Variants in AHCY observed in about 807,000 individuals in gnomAD.
AHCY encodes the protein S-adenosyl-L-homocysteine hydrolase.
Under a neutral mutation model 45.4 loss-of-function variants are expected in AHCY, and 24 were observed. The ratio of observed to expected loss-of-function variants is 0.53; its 90% CI spans 0.38 to 0.74. The LOEUF (loss-of-function observed/expected upper bound fraction) is 0.74. AHCY is among the 30% of genes least tolerant of loss of function. AHCY has a pLI of 0.00. For missense variants in AHCY, 449 were observed against 594.1 expected (o/e 0.76, Z 2.54); for synonymous variants, 245 against 235.1 (o/e 1.04, Z -0.39).
At chr20:34,269,408 C>G in the AHCY span, 1 of 503,890 alleles carries the variant, frequency 2.0e-6, no homozygotes, top group Non-Finnish European at 3.4e-6. Flanking sequence ...CACGGAGTCC[C>G]GCGCTGCTCT....
At chr20:34,235,306 G>A in the AHCY span, among the ~76,000 whole-genome samples, 3 of 152,156 alleles carry the variant, frequency 2.0e-5, no homozygotes, top group Admixed American at 2.0e-4. Context: ...CAGGCGAGGT[G>A]GCAGGCACCT....
chr20:34,257,094 T>G, the AHCY span, among the ~76,000 whole-genome samples: 2 of 151,836 alleles, frequency 1.3e-5, no homozygotes, highest in African/African-American at 4.8e-5. Context: ...TTTTTTGTTT[T>G]TTGTTTTTTG....
intron 8 of AHCY, among the ~76,000 whole-genome samples, chr20:34,289,809 G>A (rs984208707): frequency 2.0e-5 from 3 of 151,880 alleles, no homozygotes; most frequent in South Asian, 2.1e-4. Context: ...TAGTAGAGAC[G>A]GGGTTTCAAC....
intron 8 of AHCY, among the ~76,000 whole-genome samples, chr20:34,289,160 T>C (rs1382610999): frequency 1.3e-5 from 2 of 150,334 alleles, no homozygotes; most frequent in Non-Finnish European, 3.0e-5. Flanking sequence ...CCCACCACCA[T>C]GCCCAGCTGA....
chr20:34,252,764 G>T, the AHCY span, among the ~76,000 whole-genome samples: 3 of 152,140 alleles, frequency 2.0e-5, no homozygotes, highest in East Asian at 1.9e-4. Flanking sequence ...CTGTCTCAGT[G>T]GGGGGAAACC....
the AHCY span, chr20:34,262,691 C>A: frequency 1.2e-6 from 1 of 857,336 alleles, no homozygotes; most frequent in Non-Finnish European, 1.9e-6. Flanking sequence ...TGGCTTGAGT[C>A]CTACAGTGTG....
chr20:34,232,117 T>C, the AHCY span, among the ~76,000 whole-genome samples: 1 of 152,238 alleles, frequency 6.6e-6, no homozygotes, highest in East Asian at 1.9e-4. Context: ...GTAAATGTGT[T>C]ACATGACAAT....
intron 2 of AHCY, 151 bp from the exon 3 acceptor site, chr20:34,294,307 G>A: frequency 7.8e-6 from 6 of 773,538 alleles, no homozygotes; most frequent in Non-Finnish European, 1.4e-5. Flanking sequence ...GGGATGCTGG[G>A]TGGGCAGATG....
chr20:34,270,413 A>G, the AHCY span, among the ~76,000 whole-genome samples: 1 of 152,184 alleles, frequency 6.6e-6, no homozygotes, highest in Non-Finnish European at 1.5e-5. Context: ...TTGCAGTCCT[A>G]CAGGGCAAGA....
intron 1 of AHCY, among the ~76,000 whole-genome samples, chr20:34,299,898 C>T (rs1175598474): frequency 6.6e-6 from 1 of 152,140 alleles, no homozygotes; most frequent in Non-Finnish European, 1.5e-5. Context: ...ACTGTCACTT[C>T]TCAGGCTGGG....
rs1050611362 is a variant in AHCY at position 34,295,463 on chromosome 20, C to T, written c.151G>A (p.Ala51Thr). The T allele has an allele frequency of 8.1e-6, 13 of 1,614,018 alleles. No individual in the cohort carries two copies. The highest frequency in any genetic ancestry group is 1.0e-5 in the Non-Finnish European group (12 of 1,180,038). The change falls in exon 2 of 10, where the codon GCT (alanine) becomes ACT (threonine). Residue 51 changes from alanine to threonine, a missense_variant. Coordinates refer to ENST00000217426, the MANE Select transcript of AHCY (RefSeq NM_000687.4). ...TCCACGGTCATGTGCAGGCAGCCAGCGATGCGGGCGCCCTTCAGTGGCTTG... is the reference window on the plus strand; with the variant it reads ...TCCACGGTCATGTGCAGGCAGCCAGTGATGCGGGCGCCCTTCAGTGGCTTG... ...ASKPLKGARI[A>T]GCLHMTVETA...
chr20:34,291,083 G>A (rs1297800001), intron 5 of AHCY, 145 bp from the exon 6 acceptor site: 2 of 731,282 alleles, frequency 2.7e-6, no homozygotes, highest in African/African-American at 3.5e-5. Context: ...AGCACCCAAT[G>A]CCCCCACAAG....
the AHCY span, among the ~76,000 whole-genome samples, chr20:34,252,350 G>A: frequency 2.0e-5 from 3 of 152,230 alleles, no homozygotes; most frequent in South Asian, 2.1e-4. Flanking sequence ...GTGGGGAGAA[G>A]GTCAGCAGGG....
chr20:34,250,563 T>G, the AHCY span, among the ~76,000 whole-genome samples: 1 of 152,034 alleles, frequency 6.6e-6, no homozygotes, highest in South Asian at 2.1e-4. Flanking sequence ...TTTGGGAGGC[T>G]GAGGCGGGCG....
chr20:34,246,433 A>G, the AHCY span: 1 of 1,377,708 alleles, frequency 7.3e-7, no homozygotes, highest in Non-Finnish European at 1.0e-6. Context: ...TTGGTAATGA[A>G]CAGACTCCAC....
intron 1 of AHCY, among the ~76,000 whole-genome samples, chr20:34,301,076 C>T (rs1217850836): frequency 6.6e-6 from 1 of 152,134 alleles, no homozygotes; most frequent in African/African-American, 2.4e-5. Context: ...AGAAAAACAA[C>T]ACAAATCTGA....
chr20:34,244,115 G>T, the AHCY span, among the ~76,000 whole-genome samples: 1 of 152,134 alleles, frequency 6.6e-6, no homozygotes, highest in African/African-American at 2.4e-5. Context: ...TAATTTGCAT[G>T]ACAATAAACC....
At chr20:34,276,641 C>T (rs1357309573), downstream of AHCY, among the ~76,000 whole-genome samples, 1 of 152,106 alleles carries the variant, frequency 6.6e-6, no homozygotes, top group Non-Finnish European at 1.5e-5. Flanking sequence ...ACTCCTCCCA[C>T]CAGGGAGAAG....
intron 8 of AHCY, 107 bp from the exon 9 acceptor site, chr20:34,285,741 G>T: frequency 8.1e-7 from 1 of 1,238,760 alleles, no homozygotes; most frequent in Non-Finnish European, 1.2e-6. Flanking sequence ...TGAGGAGTCC[G>T]AACTGCTCCA....
Sources: allele counts gnomAD v4.1 joint callset (sites outside exome capture counted in the v4.1 genomes callset), GRCh38; gene constraint gnomAD v4.1.1; transcripts MANE v1.5; gene names NCBI Gene and HGNC (gene_info 2026-07-23, HGNC 2026-07-21).